The following CLUAP1 variants were observed in gnomAD, a reference collection of about 807,000 sequenced individuals.
The protein encoded by CLUAP1 is clusterin-associated protein 1.
CLUAP1 carries 50 observed loss-of-function variants against 55.0 expected under a neutral mutation model. The ratio of observed to expected loss-of-function variants is 0.91; its 90% confidence interval spans 0.72 to 1.15. The LOEUF (loss-of-function observed/expected upper bound fraction) is 1.15, where lower values mean the gene tolerates loss of function less well. CLUAP1 is among the 50% of genes most tolerant of loss of function. The probability of loss-of-function intolerance (pLI) is 0.00; values close to 1 mark genes in which losing one functional copy is unlikely to be tolerated. For synonymous variants in CLUAP1, 195 were observed against 175.4 expected, an observed-to-expected ratio of 1.11 and a Z score of -0.88; for missense variants, 530 against 507.6, an observed-to-expected ratio of 1.04 and a Z score of -0.42.
At chr16:3,496,181 G>A, upstream of CLUAP1, 1 of 523,576 alleles carries the variant, frequency 1.9e-6, no homozygotes, top group Non-Finnish European at 3.6e-6. Context: ...TCCGGACCTG[G>A]CCAAGCAGGA....
rs1203187089 is a variant in CLUAP1, at chr16:3,529,901, A to G, written c.929-667A>G. 5.4e-5 allele frequency among the ~76,000 whole-genome samples: 6 copies of G among 111,310 alleles called. 1 individual carries two copies. The South Asian group carries it at 1.2e-3, about 22-fold the overall frequency. 73.0% of individuals were successfully genotyped at this position (111,310 alleles called of 152,430 possible). A position where few individuals can be genotyped will look rare whatever the true frequency, so the allele number is the denominator to read the frequency against. On this transcript the variant is annotated intron_variant, in intron 9 of 11. Coordinates refer to ENST00000576634, the MANE Select transcript of CLUAP1 (RefSeq NM_015041.3). ...TATAAATTTATATTTATAATTATAT[A>G]TGTTATATAGTTATATATTATTATA...
At chr16:3,504,125 G>C (rs2037459295) in intron 1 of CLUAP1, among the ~76,000 whole-genome samples, 1 of 152,024 alleles carries the variant, frequency 6.6e-6, no homozygotes, top group African/African-American at 2.4e-5. Flanking sequence ...TTCTTAATCT[G>C]TTTTATAGTA....
chr16:3,504,518 A>G (rs1421930762), intron 1 of CLUAP1, among the ~76,000 whole-genome samples: 2 of 152,218 alleles, frequency 1.3e-5, no homozygotes, highest in East Asian at 3.8e-4. Context: ...CTCCCATTGA[A>G]CTTAAATATA....
rs1567432685 is a variant in CLUAP1 at position 3,519,975 on chromosome 16, GAA to G, written c.655_656del (p.Lys219GlufsTer25). ...SDEANLEAKI[E>X]KRKLELERNR... ...TGAAGCTAATTTAGAAGCCAAAATC[GAA>G]AAGAGAAAATTAGAACTGGAAAGAA... On this transcript the variant is annotated frameshift_variant, in exon 7 of 12. Coordinates refer to ENST00000576634, the MANE Select transcript of CLUAP1 (RefSeq NM_015041.3). LOFTEE classifies it high-confidence loss of function. The G allele has an allele frequency of 1.2e-6, 2 of 1,613,668 alleles. No individual in the cohort carries two copies. Among genetic ancestry groups the G allele is most frequent in the South Asian group, 2.2e-5 (2 of 90,952 alleles).
upstream of CLUAP1, among the ~76,000 whole-genome samples, chr16:3,496,939 C>T (rs111502060): frequency 0.014 from 2,071 of 149,798 alleles, 24 homozygotes; most frequent in East Asian, 0.041. Flanking sequence ...GGCGCGATCT[C>T]GGTTCACTGC....
chr16:3,510,586 A>G (rs542100290), intron 4 of CLUAP1, among the ~76,000 whole-genome samples: 2 of 152,214 alleles, frequency 1.3e-5, no homozygotes, highest in Admixed American at 1.3e-4. Context: ...GCCGTGCGGC[A>G]GAGCTTGCAG....
chr16:3,523,572 C>T (rs1401642262), intron 8 of CLUAP1, among the ~76,000 whole-genome samples: 1 of 152,170 alleles, frequency 6.6e-6, no homozygotes, highest in African/African-American at 2.4e-5. Flanking sequence ...CTGCGTAAGA[C>T]CCTGTGCCGA....
At chr16:3,519,834 A>G (rs768296858) in intron 6 of CLUAP1, 69 bp from the exon 7 acceptor site, 47 of 1,499,366 alleles carry the variant, frequency 3.1e-5, no homozygotes, top group Non-Finnish European at 3.4e-5. Flanking sequence ...AAGAGTTGCA[A>G]AATTCTTCTA....
intron 8 of CLUAP1, among the ~76,000 whole-genome samples, chr16:3,526,005 A>G (rs1305868953): frequency 6.6e-6 from 1 of 152,222 alleles, no homozygotes; most frequent in Non-Finnish European, 1.5e-5. Context: ...AGGGCAGGAA[A>G]GATAAATGAT....
intron 4 of CLUAP1, among the ~76,000 whole-genome samples, chr16:3,510,585 C>T (rs1455878524): frequency 6.6e-6 from 1 of 152,200 alleles, no homozygotes; most frequent in Non-Finnish European, 1.5e-5. Context: ...AGCCGTGCGG[C>T]AGAGCTTGCA....
intron 5 of CLUAP1, among the ~76,000 whole-genome samples, chr16:3,514,100 G>T (rs897224761): frequency 6.6e-6 from 1 of 152,228 alleles, no homozygotes; most frequent in South Asian, 2.1e-4. Flanking sequence ...GCTTTCCCCT[G>T]TTCTGTTTGT....
upstream of CLUAP1, chr16:3,500,977 C>T (rs2301762): frequency 3.8e-6 from 5 of 1,327,270 alleles, no homozygotes; most frequent in Admixed American, 5.8e-5. Context: ...TCCAAGGGTC[C>T]ATTGGTTGCC....
Position 3,504,844 on chromosome 16 carries a change from C to G in CLUAP1, c.134+13C>G. 1 of 1,394,326 alleles carries G rather than the reference C, an allele frequency of 7.2e-7. No individual in the cohort carries two copies. Among genetic ancestry groups the G allele is most frequent in the Non-Finnish European group, 1.0e-6 (1 of 979,796 alleles). The allele number at this position is 1,394,326 out of a possible 1,614,324, so 86.4% of individuals were successfully genotyped here. A position where few individuals can be genotyped will look rare whatever the true frequency, so the allele number is the denominator to read the frequency against. On this transcript the variant is annotated intron_variant, in intron 2 of 11. Coordinates refer to ENST00000576634, the MANE Select transcript of CLUAP1 (RefSeq NM_015041.3). Reference sequence around the variant, plus strand: ...GGCTTGTGAAAAGGTTCGAACGGCACTTTATTGACATCTAAGAGTGAATAC... The same window carrying G: ...GGCTTGTGAAAAGGTTCGAACGGCAGTTTATTGACATCTAAGAGTGAATAC...
chr16:3,495,804 C>A, the CLUAP1 span, among the ~76,000 whole-genome samples: 27 of 152,044 alleles, frequency 1.8e-4, no homozygotes, highest in Admixed American at 1.8e-3. Context: ...TAGGTCGGTA[C>A]TTTGAAAATG....
At chr16:3,535,195 C>T (rs890597609) in intron 11 of CLUAP1, 29 of 152,910 alleles carry the variant, frequency 1.9e-4, no homozygotes, top group African/African-American at 7.0e-4. Flanking sequence ...CGATCCCAGT[C>T]CGTTGAATGT....
At chr16:3,510,949 A>G (rs963487451) in intron 4 of CLUAP1, among the ~76,000 whole-genome samples, 4 of 152,168 alleles carry the variant, frequency 2.6e-5, no homozygotes, top group Non-Finnish European at 2.9e-5. Context: ...CTGGGGAGCA[A>G]TCAGCACACA....
rs142143864 is a variant in CLUAP1 at position 3,525,878 on chromosome 16, T to C, written c.856-534T>C. ...CACCACGCCCAGCCCCCATTCTCTT[T>C]CTTGATAATAATCAAGGCCACATTT... On this transcript the variant is annotated intron_variant, in intron 8 of 11. Transcript: ENST00000576634. Among the ~76,000 whole-genome samples, 19 of 152,310 alleles carry C rather than the reference T, an allele frequency of 1.2e-4. No individual in the cohort carries two copies. The East Asian group carries it at 3.5e-3, about 28-fold the overall frequency.
intron 3 of CLUAP1, among the ~76,000 whole-genome samples, chr16:3,506,619 C>G (rs2037512154): frequency 6.6e-6 from 1 of 152,070 alleles, no homozygotes; most frequent in African/African-American, 2.4e-5. Context: ...TCTCCTGTCT[C>G]AGCCTCCCGA....
rs191548824 is a variant in CLUAP1, at chr16:3,529,533, G to A, written c.929-1035G>A. On this transcript the variant is annotated intron_variant, in intron 9 of 11. Coordinates refer to ENST00000576634, the MANE Select transcript of CLUAP1 (RefSeq NM_015041.3). ...ATTATATAATTATATATTATTATAT[G>A]TTATATATTATTATATATTATATAT... Among the ~76,000 whole-genome samples, 97 of 36,632 alleles carry A rather than the reference G, an allele frequency of 2.6e-3. 1 individual carries two copies. The highest frequency in any genetic ancestry group is 7.7e-3 in the African/African-American group (53 of 6,868). The allele number at this position is 36,632 out of a possible 152,430, so 24.0% of individuals were successfully genotyped here.
Sources: gnomAD v4.1 joint callset for allele counts (sites outside exome capture counted in the v4.1 genomes callset) on GRCh38, gnomAD v4.1.1 for gene constraint, MANE v1.5 for transcripts, NCBI Gene and HGNC (gene_info 2026-07-23, HGNC 2026-07-21) for gene names.